The following CHSY3 variants were observed in gnomAD, a reference collection of about 807,000 sequenced individuals.
CHSY3 encodes the protein N-acetylgalactosaminyl-proteoglycan 3-beta-glucuronosyltransferase 3.
In CHSY3, 35 loss-of-function variants were observed where a neutral mutation model predicts 67.2. The ratio of observed to expected loss-of-function variants is 0.52; its 90% CI spans 0.40 to 0.69. The LOEUF is 0.69. Ranked by LOEUF, CHSY3 falls within the 30% of genes least tolerant of loss-of-function variation. The pLI is 0.00. For missense variants in CHSY3, 1,069 were observed against 1,138.5 expected, an observed-to-expected ratio of 0.94 and a Z score of 0.88; for synonymous variants, 474 against 434.7, an observed-to-expected ratio of 1.09 and a Z score of -1.12.
At chr5:129,924,339 C>G (rs1204939426) in intron 2 of CHSY3, among the ~76,000 whole-genome samples, 2 of 151,998 alleles carry the variant, frequency 1.3e-5, no homozygotes, top group Non-Finnish European at 2.9e-5. Flanking sequence ...CAACATTGTT[C>G]TGAATGCTTT....
chr5:130,094,454 C>T (rs1054924122), intron 2 of CHSY3, among the ~76,000 whole-genome samples: 5 of 152,012 alleles, frequency 3.3e-5, no homozygotes, highest in African/African-American at 7.2e-5. Flanking sequence ...AGTTAAAATG[C>T]GCTATTTAAT....
intron 2 of CHSY3, among the ~76,000 whole-genome samples, chr5:130,076,289 T>C (rs1766248143): frequency 6.6e-6 from 1 of 151,684 alleles, no homozygotes; most frequent in Admixed American, 6.6e-5. Flanking sequence ...TCCTCCCAGC[T>C]AAAACTGAAT....
At chr5:129,992,430 TTGC>T (rs1561488036) in intron 2 of CHSY3, among the ~76,000 whole-genome samples, 2 of 152,216 alleles carry the variant, frequency 1.3e-5, no homozygotes, top group African/African-American at 4.8e-5. Flanking sequence ...TACTGAATTA[TTGC>T]TCTTTTTAAT....
rs1013157821 is a variant in CHSY3 at position 130,072,910 on chromosome 5, A to T, written c.1087-111319A>T. 1.3e-5 allele frequency among the ~76,000 whole-genome samples: 2 copies of T among 152,188 alleles called. 1 individual carries two copies. The highest frequency in any genetic ancestry group is 4.1e-4 in the South Asian group (2 of 4,830). On this transcript the variant is annotated intron_variant, in intron 2 of 2. Coordinates refer to ENST00000305031, the MANE Select transcript of CHSY3 (RefSeq NM_175856.5). Reference sequence around the variant, plus strand: ...TCAGGCACAGAAAGACAAACACTTCATGATCTCACTTATATATGGAATCTG... The same window carrying T: ...TCAGGCACAGAAAGACAAACACTTCTTGATCTCACTTATATATGGAATCTG...
intron 2 of CHSY3, among the ~76,000 whole-genome samples, chr5:130,109,181 C>A (rs552454030): frequency 6.6e-6 from 1 of 151,856 alleles, no homozygotes; most frequent in South Asian, 2.1e-4. Context: ...TTAATATATT[C>A]TTATGCAAAT....
chr5:129,904,722 G>GC lies in CHSY3; in HGVS notation c.-107dup, dbSNP rs1760165214. 1.6e-6 allele frequency: 2 copies of GC among 1,225,680 alleles called. No homozygotes were observed. Among genetic ancestry groups the GC allele is most frequent in the East Asian group, 6.5e-5 (2 of 30,756 alleles). 75.9% of individuals were successfully genotyped at this position (1,225,680 alleles called of 1,614,324 possible). A position where few individuals can be genotyped will look rare whatever the true frequency, so the allele number is the denominator to read the frequency against. On this transcript the variant is annotated 5_prime_UTR_variant, in exon 1 of 3. Coordinates refer to ENST00000305031, the MANE Select transcript of CHSY3 (RefSeq NM_175856.5). ...GGTGTCGGCGCCTAGGCGGCCGGCT[G>GC]CGGCCGCGGCTGGGGGCGCAAAGGC... is the stretch of plus-strand genomic sequence containing the variant.
intron 2 of CHSY3, among the ~76,000 whole-genome samples, chr5:129,952,503 T>C (rs974829226): frequency 6.6e-6 from 1 of 152,234 alleles, no homozygotes; most frequent in African/African-American, 2.4e-5. Flanking sequence ...TGCCTAATAA[T>C]CTATGTTTTC....
intron 2 of CHSY3, among the ~76,000 whole-genome samples, chr5:130,068,405 T>G (rs1199947953): frequency 1.3e-5 from 2 of 152,140 alleles, no homozygotes; most frequent in African/African-American, 2.4e-5. Context: ...TCTTCAGTTG[T>G]GCTGATTTCC....
intron 2 of CHSY3, among the ~76,000 whole-genome samples, chr5:129,951,715 A>T (rs1762028771): frequency 6.6e-6 from 1 of 152,204 alleles, no homozygotes; most frequent in Non-Finnish European, 1.5e-5. Flanking sequence ...GAATTCATGT[A>T]CATAGAAGCG....
At chr5:130,141,080 T>C (rs1050297275) in intron 2 of CHSY3, 3 of 269,736 alleles carry the variant, frequency 1.1e-5, no homozygotes, top group Non-Finnish European at 2.0e-5. Context: ...TCTCCAGACT[T>C]CTTTAATGAA....
At chr5:129,907,992 T>C (rs1760379952) in intron 1 of CHSY3, 85 bp from the exon 2 acceptor site, 26 of 1,512,196 alleles carry the variant, frequency 1.7e-5, no homozygotes, top group Non-Finnish European at 2.2e-5. Flanking sequence ...TTAAGCACAA[T>C]GTTGAAAGTT....
At chr5:130,065,841 G>A (rs916126922) in intron 2 of CHSY3, among the ~76,000 whole-genome samples, 12 of 152,092 alleles carry the variant, frequency 7.9e-5, no homozygotes, top group Admixed American at 6.6e-4. Context: ...AAACTGAAAT[G>A]TCTGGTTCAC....
At chr5:129,930,110 G>C (rs564903225) in intron 2 of CHSY3, among the ~76,000 whole-genome samples, 1 of 152,234 alleles carries the variant, frequency 6.6e-6, no homozygotes, top group South Asian at 2.1e-4. Flanking sequence ...GAGGCAGGCA[G>C]ATCACCTGAG....
At chr5:130,003,302 C>A (rs1763785069) in intron 2 of CHSY3, among the ~76,000 whole-genome samples, 1 of 152,108 alleles carries the variant, frequency 6.6e-6, no homozygotes, top group Non-Finnish European at 1.5e-5. Flanking sequence ...TATTTAACAT[C>A]TTTGTCTTCT....
At chr5:129,946,711 T>C (rs1012522289) in intron 2 of CHSY3, among the ~76,000 whole-genome samples, 2 of 152,174 alleles carry the variant, frequency 1.3e-5, no homozygotes, top group African/African-American at 2.4e-5. Flanking sequence ...TTATTTCTCT[T>C]AGCATAATGT....
chr5:130,117,334 T>G (rs1767843809), intron 2 of CHSY3, among the ~76,000 whole-genome samples: 1 of 152,230 alleles, frequency 6.6e-6, no homozygotes, highest in Non-Finnish European at 1.5e-5. Context: ...GAAGAAATGT[T>G]GGAACTAGAG....
At chr5:130,108,990 G>A (rs1767505940) in intron 2 of CHSY3, among the ~76,000 whole-genome samples, 1 of 151,606 alleles carries the variant, frequency 6.6e-6, no homozygotes, top group Non-Finnish European at 1.5e-5. Flanking sequence ...TGACTATGAA[G>A]ACATATGAAG....
chr5:130,079,666 A>G (rs895148739), intron 2 of CHSY3, among the ~76,000 whole-genome samples: 4 of 152,128 alleles, frequency 2.6e-5, no homozygotes, highest in Non-Finnish European at 4.4e-5. Flanking sequence ...GCTTAAGGCA[A>G]ATAGTTAAAA....
chr5:130,063,725 G>A (rs1490771156), intron 2 of CHSY3, among the ~76,000 whole-genome samples: 4 of 152,094 alleles, frequency 2.6e-5, no homozygotes, highest in Non-Finnish European at 5.9e-5. Context: ...AGATCCAGGT[G>A]CCAGTATTTG....
Sources: gnomAD v4.1 joint callset for allele counts (sites outside exome capture counted in the v4.1 genomes callset) on GRCh38, gnomAD v4.1.1 for gene constraint, MANE v1.5 for transcripts, NCBI Gene and HGNC (gene_info 2026-07-23, HGNC 2026-07-21) for gene names.